Variants in MAGI3 observed in about 807,000 individuals in gnomAD.
MAGI3 encodes the protein membrane associated guanylate kinase, WW and PDZ domain containing 3, also known as membrane-associated guanylate kinase, WW and PDZ domain-containing protein 3.
MAGI3 carries 43 observed loss-of-function variants against 121.8 expected under a neutral mutation model. The observed-to-expected ratio is 0.35, with a 90% CI of 0.28 to 0.46. The LOEUF (loss-of-function observed/expected upper bound fraction) is 0.46. MAGI3 is among the 20% of genes least tolerant of loss of function. MAGI3 has a pLI of 1.00. For missense variants in MAGI3, 1,547 were observed against 1,797.3 expected (o/e 0.86, Z 2.52); for synonymous variants, 553 against 639.3 (o/e 0.86, Z 2.04).
chr1:113,605,973 A>C (rs1649747017), intron 6 of MAGI3, among the ~76,000 whole-genome samples: 1 of 120,902 alleles, frequency 8.3e-6, no homozygotes, highest in Admixed American at 7.4e-5. Context: ...CTCAATTATT[A>C]TTCTTTTTTT....
At chr1:113,478,839 A>T (rs1196431115) in intron 1 of MAGI3, among the ~76,000 whole-genome samples, 1 of 152,198 alleles carries the variant, frequency 6.6e-6, no homozygotes, top group African/African-American at 2.4e-5. Flanking sequence ...TTATTCAGCT[A>T]TGCCCTGCTC....
intron 1 of MAGI3, among the ~76,000 whole-genome samples, chr1:113,464,972 C>T (rs1655206358): frequency 6.6e-6 from 1 of 152,010 alleles, no homozygotes; most frequent in Non-Finnish European, 1.5e-5. Context: ...GTGGTTGTTT[C>T]CTTTGCTGTC....
At chr1:113,599,208 A>T (rs1649213115) in intron 6 of MAGI3, among the ~76,000 whole-genome samples, 1 of 152,214 alleles carries the variant, frequency 6.6e-6, no homozygotes, top group Admixed American at 6.5e-5. Context: ...AAGGCAAGAA[A>T]TAACTAAATT....
chr1:113,428,950 T>TA (rs1258837726), intron 1 of MAGI3, among the ~76,000 whole-genome samples: 16 of 152,258 alleles, frequency 1.1e-4, no homozygotes, highest in Non-Finnish European at 8.8e-5. Flanking sequence ...GTTCCTTAAT[T>TA]ACACTAGCTA....
intron 1 of MAGI3, among the ~76,000 whole-genome samples, chr1:113,528,593 A>C (rs1005832270): frequency 7.2e-5 from 11 of 152,234 alleles, no homozygotes; most frequent in South Asian, 2.1e-4. Context: ...GATTAGCAGG[A>C]AATTGGTGGG....
chr1:113,593,663 CTGTT>C (rs1306939686), intron 5 of MAGI3, among the ~76,000 whole-genome samples: 1 of 152,138 alleles, frequency 6.6e-6, no homozygotes, highest in Non-Finnish European at 1.5e-5. Flanking sequence ...TAAACTAACA[CTGTT>C]TGTCCACTAA....
intron 1 of MAGI3, among the ~76,000 whole-genome samples, chr1:113,443,592 G>GA (rs1361053047): frequency 6.6e-6 from 1 of 152,108 alleles, no homozygotes; most frequent in African/African-American, 2.4e-5. Flanking sequence ...ATGTACCAAT[G>GA]ATTCGTTACT....
intron 8 of MAGI3, among the ~76,000 whole-genome samples, chr1:113,620,109 T>A (rs1557856564): frequency 1.3e-5 from 2 of 152,182 alleles, no homozygotes; most frequent in African/African-American, 4.8e-5. Flanking sequence ...TTGGAATGTT[T>A]CCTTATGTTT....
intron 1 of MAGI3, among the ~76,000 whole-genome samples, chr1:113,482,651 T>C (rs1159811990): frequency 6.6e-6 from 1 of 151,066 alleles, no homozygotes; most frequent in Non-Finnish European, 1.5e-5. Flanking sequence ...CCTACTTTTT[T>C]TTTTTTTTTT....
rs1652765707 is a variant in MAGI3 at position 113,422,324 on chromosome 1, A to T, written c.316+30975A>T. The stretch of plus-strand genomic sequence containing the variant: ...TCATTTGTGCATGTGTATGTGTGAC[A>T]GCATCCTTAGGGTGTTGCTTCACTA... On this transcript the variant is annotated intron_variant, in intron 1 of 20. Coordinates refer to ENST00000307546, the MANE Select transcript of MAGI3 (RefSeq NM_001142782.2). This position sits in a 1 kb window ranked among gnomAD's most constrained non-coding sequence, Gnocchi z 4.3. Among the ~76,000 whole-genome samples, 1 of 152,228 alleles carries T rather than the reference A, an allele frequency of 6.6e-6. No homozygotes were observed. The highest frequency in any genetic ancestry group is 1.5e-5 in the Non-Finnish European group (1 of 68,032).
At chr1:113,541,060 A>T (rs1490877156) in intron 1 of MAGI3, among the ~76,000 whole-genome samples, 1 of 151,106 alleles carries the variant, frequency 6.6e-6, no homozygotes, top group Admixed American at 6.6e-5. Flanking sequence ...TTATAAATGC[A>T]TTAAAAAATA....
Position 113,390,858 on chromosome 1 carries a change from C to T in MAGI3, c.-176C>T, listed in dbSNP as rs576670533. ...CGGGAGGGGCGTCCAAGGGGCGTCTCGCGTCTGGGAACGGCCGGGCCCCCA... is the reference window on the plus strand; with the variant it reads ...CGGGAGGGGCGTCCAAGGGGCGTCTTGCGTCTGGGAACGGCCGGGCCCCCA... On this transcript the variant is annotated 5_prime_UTR_variant, in exon 1 of 21. Coordinates refer to ENST00000307546, the MANE Select transcript of MAGI3 (RefSeq NM_001142782.2). 547 of 309,094 alleles carry T rather than the reference C, an allele frequency of 1.8e-3. 2 individuals carry two copies. Among genetic ancestry groups the T allele is most frequent in the Non-Finnish European group, 2.3e-3 (406 of 177,916 alleles). 19.1% of individuals were successfully genotyped at this position (309,094 alleles called of 1,614,324 possible). A position where few individuals can be genotyped will look rare whatever the true frequency, so the allele number is the denominator to read the frequency against.
intron 1 of MAGI3, among the ~76,000 whole-genome samples, chr1:113,455,635 A>G (rs912247634): frequency 3.9e-5 from 6 of 151,994 alleles, no homozygotes; most frequent in African/African-American, 1.4e-4. Flanking sequence ...TTGAACACTT[A>G]ATTTCTATTA....
chr1:113,508,301 G>GATTGAAAATAGAA (rs1489875517), intron 1 of MAGI3, among the ~76,000 whole-genome samples: 8 of 152,202 alleles, frequency 5.3e-5, no homozygotes, highest in African/African-American at 1.9e-4. Flanking sequence ...TCTGTGAAGT[G>GATTGAAAATAGAA]ATTGAAAATA....
In MAGI3 at chr1:113,681,381, G is replaced by A. The variant is rs765720376; in HGVS notation, c.3328+45G>A. On this transcript the variant is annotated intron_variant, in intron 20 of 20. Transcript: ENST00000307546. The stretch of plus-strand genomic sequence containing the variant: ...AGTAGCTGAAAAGTTGTATATTAGG[G>A]AGGGGACAGAAGAAAAAGGAATATA... 5.0e-6 allele frequency: 8 copies of A among 1,586,472 alleles called. No homozygotes were observed. The South Asian group carries it at 9.2e-5, about 18-fold the overall frequency.
intron 2 of MAGI3, among the ~76,000 whole-genome samples, chr1:113,571,574 G>A (rs1280224710): frequency 1.3e-5 from 2 of 152,160 alleles, no homozygotes; most frequent in African/African-American, 2.4e-5. Flanking sequence ...TCCTTGAGCA[G>A]TGGTTTGTAG....
chr1:113,394,548 A>T (rs554591609), intron 1 of MAGI3, among the ~76,000 whole-genome samples: 9 of 152,300 alleles, frequency 5.9e-5, no homozygotes, highest in African/African-American at 2.2e-4. Flanking sequence ...ACTACAGAGT[A>T]TATATTCTTA....
At chr1:113,428,634 T>C (rs1448162732) in intron 1 of MAGI3, among the ~76,000 whole-genome samples, 1 of 152,244 alleles carries the variant, frequency 6.6e-6, no homozygotes, top group Non-Finnish European at 1.5e-5. Context: ...ACATGTTTTA[T>C]TGAGCCCTAC....
chr1:113,426,554 G>A (rs1025308923), intron 1 of MAGI3, among the ~76,000 whole-genome samples: 3 of 152,072 alleles, frequency 2.0e-5, no homozygotes, highest in African/African-American at 4.8e-5. Context: ...GTTTTGCTTC[G>A]TGTATTTTGA....
Sources: gnomAD v4.1 joint callset for allele counts (sites outside exome capture counted in the v4.1 genomes callset) on GRCh38, gnomAD v4.1.1 for gene constraint, Gnocchi (gnomAD v3.1) non-coding constraint, MANE v1.5 for transcripts, NCBI Gene and HGNC (gene_info 2026-07-23, HGNC 2026-07-21) for gene names.